Variants in SLMAP observed in about 807,000 individuals in gnomAD.
The protein encoded by SLMAP is sarcolemmal membrane-associated protein.
SLMAP carries 44 observed loss-of-function variants against 128.8 expected under a neutral mutation model. The ratio of observed to expected loss-of-function variants is 0.34; its 90% CI spans 0.27 to 0.44. SLMAP has a LOEUF of 0.44. Among genes scored for constraint, SLMAP ranks in the 20% least tolerant of loss-of-function variants. The pLI is 1.00. For missense variants in SLMAP, 787 were observed against 985.3 expected (o/e 0.80, Z 2.69); for synonymous variants, 327 against 348.8 (o/e 0.94, Z 0.70).
intron 2 of SLMAP, among the ~76,000 whole-genome samples, chr3:57,806,956 G>T (rs2090008713): frequency 6.6e-6 from 1 of 152,164 alleles, no homozygotes; most frequent in South Asian, 2.1e-4. Context: ...CTTCCACAAT[G>T]GTTGAACTAA....
chr3:57,804,655 A>G (rs186110492), intron 2 of SLMAP, among the ~76,000 whole-genome samples: 2 of 152,188 alleles, frequency 1.3e-5, no homozygotes, highest in East Asian at 1.9e-4. Context: ...TGAGGTAGGA[A>G]CATCACCTGT....
At chr3:57,845,996 C>T (rs750555961) in intron 4 of SLMAP, among the ~76,000 whole-genome samples, 5 of 152,218 alleles carry the variant, frequency 3.3e-5, no homozygotes, top group South Asian at 4.1e-4. Context: ...CACATGCCAC[C>T]GCACCTGGCT....
chr3:57,756,374 G>A (rs2077690659), intron 1 of SLMAP, 32 bp downstream of exon 1: 1 of 152,892 alleles, frequency 6.5e-6, no homozygotes, highest in Non-Finnish European at 1.5e-5. Context: ...GGCTAGGGAG[G>A]TAGGACCCGT....
intron 2 of SLMAP, among the ~76,000 whole-genome samples, chr3:57,761,547 G>A (rs539159706): frequency 2.7e-5 from 4 of 150,790 alleles, no homozygotes; most frequent in Admixed American, 6.6e-5. Context: ...CACTTGCCTC[G>A]GCCTCCCAAA....
At chr3:57,811,212 A>G (rs2090915085) in intron 2 of SLMAP, among the ~76,000 whole-genome samples, 1 of 152,118 alleles carries the variant, frequency 6.6e-6, no homozygotes, top group South Asian at 2.1e-4. Context: ...TGTAAAGCTG[A>G]AGGTTTTTAA....
chr3:57,869,657 T>TATATATATATATATATATATAA (rs1553900520), intron 13 of SLMAP, among the ~76,000 whole-genome samples: 1 of 135,538 alleles, frequency 7.4e-6, no homozygotes. Flanking sequence ...TATATATATA[T>TATATATATATATATATATATAA]ATAATATATA....
chr3:57,866,271 T>TA lies in SLMAP; in HGVS notation c.1237+985dup, dbSNP rs1379053532. On this transcript the variant is annotated intron_variant, in intron 13 of 24. Coordinates refer to ENST00000671191, the MANE Select transcript of SLMAP (RefSeq NM_001377540.1). ...TGGGTGACGAGCAAGGCCCTGTCTT[T>TA]AAAAAAGAAAAGAAAAGAAAAGAAA... Among the ~76,000 whole-genome samples the TA allele has an allele frequency of 4.2e-5, 5 of 119,218 alleles. No homozygotes were observed. In the East Asian group the frequency reaches 5.9e-4, roughly 14 times the overall value. The allele number at this position is 119,218 out of a possible 152,430, so 78.2% of individuals were successfully genotyped here. A position where few individuals can be genotyped will look rare whatever the true frequency, so the allele number is the denominator to read the frequency against.
At chr3:57,857,273 A>T (rs941216121) in intron 6 of SLMAP, among the ~76,000 whole-genome samples, 1 of 152,194 alleles carries the variant, frequency 6.6e-6, no homozygotes, top group African/African-American at 2.4e-5. Flanking sequence ...TGGAGTAGCC[A>T]TTTCCTATCT....
Position 57,909,030 on chromosome 3 carries a change from C to A in SLMAP, c.1625-46C>A, listed in dbSNP as rs374145249. Reference sequence around the variant, plus strand: ...TCAGCTGCTCAACTCTGAGTACTTTCATTAATTCACAAAACTATTAATAGA... The same window carrying A: ...TCAGCTGCTCAACTCTGAGTACTTTAATTAATTCACAAAACTATTAATAGA... On this transcript the variant is annotated intron_variant, in intron 18 of 24. Transcript: ENST00000671191. The A allele has an allele frequency of 4.5e-6, 6 of 1,338,550 alleles. No individual in the cohort carries two copies. In the African/African-American group the frequency reaches 7.4e-5, roughly 16 times the overall value. The allele number at this position is 1,338,550 out of a possible 1,614,324, so 82.9% of individuals were successfully genotyped here.
intron 2 of SLMAP, among the ~76,000 whole-genome samples, chr3:57,758,243 G>A (rs2153423889): frequency 6.6e-6 from 1 of 152,284 alleles, no homozygotes; most frequent in South Asian, 2.1e-4. Flanking sequence ...TATTATCCCG[G>A]GGCTCAAGTG....
intron 3 of SLMAP, among the ~76,000 whole-genome samples, chr3:57,839,584 G>A (rs2093821832): frequency 6.6e-6 from 1 of 151,620 alleles, no homozygotes; most frequent in South Asian, 2.1e-4. Context: ...TGGGATTGCA[G>A]GCACCTGCCA....
intron 2 of SLMAP, among the ~76,000 whole-genome samples, chr3:57,767,138 C>T (rs1434975887): frequency 1.3e-5 from 2 of 152,040 alleles, no homozygotes; most frequent in Admixed American, 1.3e-4. Context: ...AGGCTGATCT[C>T]GAACTCCTGG....
At position 57,781,207 on chromosome 3, in the gene SLMAP, A is replaced by G. The variant is rs532811892; in HGVS notation, c.198+23358A>G. ...GCATTCCAGCCTGGGCAACAGAGTG[A>G]GACCCTCTCAAAAAAAAGGACTAAA... On this transcript the variant is annotated intron_variant, in intron 2 of 24. Coordinates refer to ENST00000671191, the MANE Select transcript of SLMAP (RefSeq NM_001377540.1). 7.6e-4 allele frequency among the ~76,000 whole-genome samples: 115 copies of G among 152,122 alleles called. 1 individual carries two copies. The highest frequency in any genetic ancestry group is 2.3e-3 in the African/African-American group (95 of 41,480).
chr3:57,872,792 T>G (rs1182328408), intron 14 of SLMAP, among the ~76,000 whole-genome samples: 5 of 152,218 alleles, frequency 3.3e-5, no homozygotes, highest in Admixed American at 1.3e-4. Flanking sequence ...TAAGTAAAGG[T>G]CATTGTATGT....
intron 17 of SLMAP, among the ~76,000 whole-genome samples, chr3:57,906,693 A>G (rs1019604692): frequency 6.8e-6 from 1 of 147,456 alleles, no homozygotes; most frequent in East Asian, 2.0e-4. Context: ...ATATATATAT[A>G]TATATATAAT....
chr3:57,857,705 G>C (rs746228891), intron 6 of SLMAP, 28 bp from the exon 7 acceptor site: 1 of 1,431,792 alleles, frequency 7.0e-7, no homozygotes, highest in Admixed American at 1.7e-5. Flanking sequence ...GAGCTTATTA[G>C]AATCTGTTTT....
At chr3:57,887,455 G>A (rs767368163) in intron 14 of SLMAP, among the ~76,000 whole-genome samples, 11 of 151,956 alleles carry the variant, frequency 7.2e-5, no homozygotes, top group South Asian at 2.1e-4. Flanking sequence ...CAGGTGATCC[G>A]CCAACCTCGG....
At chr3:57,763,494 C>G (rs1029052930) in intron 2 of SLMAP, among the ~76,000 whole-genome samples, 21 of 151,898 alleles carry the variant, frequency 1.4e-4, no homozygotes, top group South Asian at 6.2e-4. Flanking sequence ...AAGCTGGTCT[C>G]GAACTCCTGA....
chr3:57,907,758 TTTTA>T, intron 17 of SLMAP, 122 bp from the exon 18 acceptor site: 2 of 833,690 alleles, frequency 2.4e-6, no homozygotes, highest in Non-Finnish European at 3.5e-6. Context: ...TGCTTCTAAG[TTTTA>T]TTTAACTCAG....
Sources: gnomAD v4.1 joint callset for allele counts (sites outside exome capture counted in the v4.1 genomes callset) on GRCh38, gnomAD v4.1.1 for gene constraint, MANE v1.5 for transcripts, NCBI Gene and HGNC (gene_info 2026-07-23, HGNC 2026-07-21) for gene names.